Variants in TNFRSF19 observed in about 807,000 individuals in gnomAD.
The protein encoded by TNFRSF19 is tumor necrosis factor receptor superfamily member 19.
TNFRSF19 carries 27 observed loss-of-function variants against 46.4 expected under a neutral mutation model. That is an observed-to-expected ratio of 0.58 (90% CI 0.43 to 0.80). The LOEUF (loss-of-function observed/expected upper bound fraction) is 0.80, where lower values mean the gene tolerates loss of function less well. Among genes scored for constraint, TNFRSF19 ranks in the 30% least tolerant of loss-of-function variants. The probability of loss-of-function intolerance (pLI) is 0.00; values close to 1 mark genes in which losing one functional copy is unlikely to be tolerated. For synonymous variants in TNFRSF19, 204 were observed against 205.0 expected (o/e 1.00, Z 0.04); for missense variants, 511 against 530.8 (o/e 0.96, Z 0.37).
At chr13:23,607,219 A>G (rs1652105580) in intron 3 of TNFRSF19, among the ~76,000 whole-genome samples, 1 of 152,178 alleles carries the variant, frequency 6.6e-6, no homozygotes, top group African/African-American at 2.4e-5. Context: ...GGATTGCCTG[A>G]GGTCAGGAGT....
chr13:23,633,396 T>G (rs1032049545), intron 5 of TNFRSF19, among the ~76,000 whole-genome samples: 2 of 152,206 alleles, frequency 1.3e-5, no homozygotes, highest in Non-Finnish European at 2.9e-5. Flanking sequence ...CCATGAAGTC[T>G]TTTTCAAGAA....
Position 23,654,936 on chromosome 13 carries a change from A to G in TNFRSF19, c.446-4114A>G, listed in dbSNP as rs114173912. Among the ~76,000 whole-genome samples, 1,287 of 152,312 alleles carry G rather than the reference A, an allele frequency of 8.4e-3. 24 individuals carry two copies. The highest frequency in any genetic ancestry group is 0.029 in the African/African-American group (1,214 of 41,568). ...GTTTTAGCCACCTCTGTGGCTTGCA[A>G]ATAGGTTCCTCATTTGCAGCATCTG... On this transcript the variant is annotated intron_variant, in intron 5 of 9. Transcript: ENST00000248484.
chr13:23,589,375 A>G (rs1368970620), intron 1 of TNFRSF19, among the ~76,000 whole-genome samples: 3 of 152,236 alleles, frequency 2.0e-5, no homozygotes, highest in Non-Finnish European at 4.4e-5. Context: ...TAGATGTTTT[A>G]AGATGAATGC....
intron 5 of TNFRSF19, among the ~76,000 whole-genome samples, chr13:23,638,346 C>T (rs1435511468): frequency 1.3e-5 from 2 of 152,270 alleles, no homozygotes; most frequent in South Asian, 2.1e-4. Flanking sequence ...ACTTACAATC[C>T]GGCAAGTGCC....
At chr13:23,611,123 T>C (rs1331957067) in intron 3 of TNFRSF19, among the ~76,000 whole-genome samples, 2 of 111,304 alleles carry the variant, frequency 1.8e-5, no homozygotes, top group African/African-American at 7.4e-5. Context: ...CACACACACA[T>C]GTGCACACAC....
intron 1 of TNFRSF19, among the ~76,000 whole-genome samples, chr13:23,587,489 C>T (rs1424300197): frequency 6.6e-6 from 1 of 152,208 alleles, no homozygotes; most frequent in Admixed American, 6.5e-5. Context: ...GTCCTGCCTC[C>T]TTTCAGGCAC....
At chr13:23,662,225 G>C (rs1451652421) in intron 7 of TNFRSF19, among the ~76,000 whole-genome samples, 1 of 152,170 alleles carries the variant, frequency 6.6e-6, no homozygotes, top group Non-Finnish European at 1.5e-5. Flanking sequence ...GTGTAAAGAA[G>C]GGGTCCAGTT....
chr13:23,588,112 G>C (rs569765368), intron 1 of TNFRSF19, among the ~76,000 whole-genome samples: 1 of 152,186 alleles, frequency 6.6e-6, no homozygotes, highest in East Asian at 1.9e-4. Context: ...GTTTACATCA[G>C]CTAATTCTCC....
At chr13:23,623,462 C>A (rs905337178) in intron 4 of TNFRSF19, among the ~76,000 whole-genome samples, 15 of 152,140 alleles carry the variant, frequency 9.9e-5, no homozygotes, top group African/African-American at 3.6e-4. Flanking sequence ...TAGATATAGA[C>A]ACAGTAGTGG....
chr13:23,669,338 A>G (rs1168871099), intron 9 of TNFRSF19: 5 of 1,313,052 alleles, frequency 3.8e-6, no homozygotes, highest in Non-Finnish European at 4.8e-6. Context: ...TGTAAGTACA[A>G]CCACTTAGCA....
intron 7 of TNFRSF19, among the ~76,000 whole-genome samples, chr13:23,665,211 TGTTA>T (rs1951605504): frequency 6.6e-6 from 1 of 152,210 alleles, no homozygotes; most frequent in African/African-American, 2.4e-5. Context: ...CCGTGGACAC[TGTTA>T]CTAGAGTCAG....
At chr13:23,622,620 G>C (rs1166331392) in intron 4 of TNFRSF19, among the ~76,000 whole-genome samples, 1 of 152,086 alleles carries the variant, frequency 6.6e-6, no homozygotes, top group East Asian at 1.9e-4. Context: ...GTTAAGTAGT[G>C]TCTATGCTTG....
At chr13:23,609,029 C>T (rs771682484) in intron 3 of TNFRSF19, among the ~76,000 whole-genome samples, 14 of 152,156 alleles carry the variant, frequency 9.2e-5, no homozygotes, top group Non-Finnish European at 2.1e-4. Context: ...TTGCTTCCTT[C>T]CCTGTAAGCC....
At chr13:23,579,935 G>C (rs989366213) in intron 1 of TNFRSF19, among the ~76,000 whole-genome samples, 1 of 152,228 alleles carries the variant, frequency 6.6e-6, no homozygotes, top group South Asian at 2.1e-4. Context: ...GCCAGCGCGC[G>C]GCTGCAGGGG....
intron 5 of TNFRSF19, among the ~76,000 whole-genome samples, chr13:23,651,893 T>TAAAAAA (rs34023907): frequency 2.1e-3 from 21 of 9,932 alleles, no homozygotes; most frequent in East Asian, 7.1e-3. Flanking sequence ...CATAACATGC[T>TAAAAAA]AAAAAAAAAA....
intron 4 of TNFRSF19, 106 bp from the exon 5 acceptor site, chr13:23,626,601 G>A (rs2138291187): frequency 9.9e-7 from 1 of 1,011,668 alleles, no homozygotes; most frequent in South Asian, 1.5e-5. Flanking sequence ...AAGCCTCTGT[G>A]TACTTTTAAC....
chr13:23,629,888 G>A (rs952633212), intron 5 of TNFRSF19, among the ~76,000 whole-genome samples: 3 of 152,166 alleles, frequency 2.0e-5, no homozygotes, highest in Admixed American at 1.3e-4. Flanking sequence ...GAGTTGTCCT[G>A]GACGGGGAGG....
intron 3 of TNFRSF19, among the ~76,000 whole-genome samples, chr13:23,606,749 T>C (rs943153003): frequency 3.9e-5 from 6 of 152,224 alleles, no homozygotes; most frequent in Admixed American, 3.3e-4. Flanking sequence ...TGCTCTAACA[T>C]ACAACAGAGA....
At chr13:23,578,775 C>G (rs907482966) in intron 1 of TNFRSF19, among the ~76,000 whole-genome samples, 2 of 152,266 alleles carry the variant, frequency 1.3e-5, no homozygotes. Context: ...CCTGGCCCCG[C>G]CTCGCACGCG....
Sources: gnomAD v4.1 joint callset for allele counts (sites outside exome capture counted in the v4.1 genomes callset) on GRCh38, gnomAD v4.1.1 for gene constraint, MANE v1.5 for transcripts, NCBI Gene and HGNC (gene_info 2026-07-23, HGNC 2026-07-21) for gene names.